The following OSMR variants were observed in gnomAD, a reference collection of about 807,000 sequenced individuals.
OSMR encodes oncostatin M receptor.
OSMR carries 81 observed loss-of-function variants against 99.9 expected under a neutral mutation model. The observed-to-expected ratio is 0.81, with a 90% CI of 0.68 to 0.97. OSMR has a LOEUF of 0.97. Among genes scored for constraint, OSMR ranks in the 50% least tolerant of loss-of-function variants. OSMR has a pLI of 0.00. For missense variants in OSMR, 1,099 were observed against 1,153.4 expected, an observed-to-expected ratio of 0.95 and a Z score of 0.68; for synonymous variants, 406 against 410.4, an observed-to-expected ratio of 0.99 and a Z score of 0.13.
At chr5:38,917,489 A>G in intron 9 of OSMR, 57 bp from the exon 10 acceptor site, 1 of 1,602,820 alleles carries the variant, frequency 6.2e-7, no homozygotes, top group Non-Finnish European at 8.5e-7. Flanking sequence ...AAAAAGGTTG[A>G]GCATATTGCT....
chr5:38,869,732 T>G (rs1742233749), intron 2 of OSMR, among the ~76,000 whole-genome samples: 1 of 152,200 alleles, frequency 6.6e-6, no homozygotes, highest in African/African-American at 2.4e-5. Context: ...CAATAAGAAT[T>G]TAATACCTCT....
rs778080071 is a variant in OSMR at position 38,925,372 on chromosome 5, G to A, written c.2212+1G>A. ...AAGGTCACGACTCCGGATGAACACT[G>A]TGAGTTTTCCCAAATCAAAGTTCTT... is the stretch of plus-strand genomic sequence containing the variant. On this transcript the variant is annotated splice_donor_variant, in intron 15 of 17. Transcript: ENST00000274276. LOFTEE classifies it high-confidence loss of function. 6.2e-7 allele frequency: 1 copy of A among 1,612,992 alleles called. No homozygotes were observed. Among genetic ancestry groups the A allele is most frequent in the East Asian group, 2.2e-5 (1 of 44,866 alleles).
At chr5:38,877,742 A>G (rs1416360769) in intron 3 of OSMR, among the ~76,000 whole-genome samples, 2 of 152,218 alleles carry the variant, frequency 1.3e-5, no homozygotes, top group Non-Finnish European at 1.5e-5. Context: ...AACATTAACC[A>G]TAGACTACAT....
Position 38,901,667 on chromosome 5 carries a change from T to A in OSMR, c.992-2215T>A, listed in dbSNP as rs138326604. Among the ~76,000 whole-genome samples, 246 of 152,150 alleles carry A rather than the reference T, an allele frequency of 1.6e-3. 1 individual carries two copies. The highest frequency in any genetic ancestry group is 4.1e-3 in the African/African-American group (169 of 41,506). On this transcript the variant is annotated intron_variant, in intron 7 of 17. Coordinates refer to ENST00000274276, the MANE Select transcript of OSMR (RefSeq NM_003999.3). ...GAGGCTGGTACATCCCAGTGGTAGT[T>A]TTTTCTTGCCAGAGACTCCAATCAG...
chr5:38,921,884 T>A (rs995065509), intron 12 of OSMR, 90 bp downstream of exon 12: 10 of 1,100,484 alleles, frequency 9.1e-6, no homozygotes, highest in Non-Finnish European at 1.4e-5. Flanking sequence ...AGACTTTGAC[T>A]GTGCTAAGCT....
intron 11 of OSMR, among the ~76,000 whole-genome samples, chr5:38,920,689 G>A (rs1174706778): frequency 6.6e-6 from 1 of 152,158 alleles, no homozygotes; most frequent in African/African-American, 2.4e-5. Flanking sequence ...GGATTGCCAG[G>A]TAAAATACAG....
At chr5:38,867,088 C>T (rs138803650) in intron 1 of OSMR, among the ~76,000 whole-genome samples, 47 of 152,250 alleles carry the variant, frequency 3.1e-4, no homozygotes, top group African/African-American at 8.4e-4. Flanking sequence ...GTGCCCCGTC[C>T]CTCTAGCCAG....
intron 1 of OSMR, among the ~76,000 whole-genome samples, chr5:38,846,716 G>A (rs781333130): frequency 6.6e-6 from 1 of 152,120 alleles, no homozygotes; most frequent in Non-Finnish European, 1.5e-5. Context: ...GAATCCCCGG[G>A]CGACTCTGCA....
At chr5:38,944,213 G>C (rs1416202970) in exon 2 of OSMR, 2 of 598,722 alleles carry the variant, frequency 3.3e-6, no homozygotes, top group Admixed American at 2.1e-5. Context: ...CTCTTCAAAA[G>C]TCTGGCTTAA....
In OSMR at chr5:38,942,619, T is replaced by TAA. The variant is rs368923211; in HGVS notation, c.75-1568_75-1567dup. Among the ~76,000 whole-genome samples the TAA allele has an allele frequency of 3.3e-3, 437 of 133,666 alleles. 5 individuals carry two copies. Among genetic ancestry groups the TAA allele is most frequent in the African/African-American group, 0.011 (412 of 36,444 alleles). The allele number at this position is 133,666 out of a possible 152,430, so 87.7% of individuals were successfully genotyped here. A position where few individuals can be genotyped will look rare whatever the true frequency, so the allele number is the denominator to read the frequency against. ...GCAGATGACACCAACCTCGGCTAATTAAAAAAAAAAAAAAACTGTGTTGAC... is the reference window on the plus strand; with the variant it reads ...GCAGATGACACCAACCTCGGCTAATTAAAAAAAAAAAAAAAAACTGTGTTGAC... On this transcript the variant is annotated intron_variant and NMD_transcript_variant, in intron 1 of 2. Coordinates refer to the OSMR transcript ENST00000508882.
At chr5:38,872,783 T>A (rs975225047) in intron 2 of OSMR, among the ~76,000 whole-genome samples, 1 of 151,984 alleles carries the variant, frequency 6.6e-6, no homozygotes, top group South Asian at 2.1e-4. Context: ...TTAAAAAAAA[T>A]GTCCTTTAAA....
chr5:38,890,735 G>A (rs764186332), intron 7 of OSMR, among the ~76,000 whole-genome samples: 15 of 151,712 alleles, frequency 9.9e-5, no homozygotes, highest in Admixed American at 2.6e-4. Flanking sequence ...CAGAGAAGAA[G>A]AAGAAAAGAA....
chr5:38,911,959 C>T (rs116000417), intron 9 of OSMR, among the ~76,000 whole-genome samples: 1,570 of 152,156 alleles, frequency 0.01, 31 homozygotes, highest in African/African-American at 0.036. Flanking sequence ...CAACATCATA[C>T]TAAATGGGCA....
chr5:38,862,408 C>G (rs1741496003), intron 1 of OSMR, among the ~76,000 whole-genome samples: 1 of 530 alleles, frequency 1.9e-3, no homozygotes, highest in Non-Finnish European at 4.5e-3. Flanking sequence ...GGGCGGCTGG[C>G]CGGGCGGGGG....
intron 1 of OSMR, among the ~76,000 whole-genome samples, chr5:38,853,419 C>T (rs771231377): frequency 2.6e-4 from 39 of 152,172 alleles, no homozygotes; most frequent in Non-Finnish European, 4.6e-4. Flanking sequence ...GGTTAAATCA[C>T]TTGTCATTGG....
downstream of OSMR, among the ~76,000 whole-genome samples, chr5:38,936,214 T>G (rs1747029015): frequency 6.6e-6 from 1 of 152,314 alleles, no homozygotes; most frequent in African/African-American, 2.4e-5. Flanking sequence ...TTCAGCTCCA[T>G]CCACACCCCT....
chr5:38,901,316 AC>A (rs1189610522), intron 7 of OSMR, among the ~76,000 whole-genome samples: 3 of 152,202 alleles, frequency 2.0e-5, no homozygotes, highest in African/African-American at 4.8e-5. Context: ...TCAACAGGTT[AC>A]TTGGTCACTT....
downstream of OSMR, chr5:38,938,190 A>G (rs1747176278): frequency 4.5e-6 from 1 of 221,800 alleles, no homozygotes; most frequent in Non-Finnish European, 9.0e-6. Flanking sequence ...ATGTCTGTTC[A>G]GTGACCTACA....
intron 1 of OSMR, among the ~76,000 whole-genome samples, chr5:38,851,732 G>C (rs968930346): frequency 1.3e-5 from 2 of 152,170 alleles, no homozygotes; most frequent in African/African-American, 2.4e-5. Flanking sequence ...TGGTTTGGCT[G>C]TGTCCCCACC....
Sources: gnomAD v4.1 joint callset for allele counts (sites outside exome capture counted in the v4.1 genomes callset) on GRCh38, gnomAD v4.1.1 for gene constraint, MANE v1.5 for transcripts, NCBI Gene and HGNC (gene_info 2026-07-23, HGNC 2026-07-21) for gene names.